Variants in RSU1 observed in about 807,000 individuals in gnomAD.
RSU1 encodes the protein Ras suppressor protein 1.
RSU1 carries 26 observed loss-of-function variants against 31.1 expected under a neutral mutation model. The ratio of observed to expected loss-of-function variants is 0.84; its 90% CI spans 0.61 to 1.16. The LOEUF is 1.16. RSU1 is among the 50% of genes most tolerant of loss of function. The pLI is 0.00. For missense variants in RSU1, 320 were observed against 339.1 expected (o/e 0.94, Z 0.44); for synonymous variants, 164 against 136.3 (o/e 1.20, Z -1.41).
intron 8 of RSU1, among the ~76,000 whole-genome samples, chr10:16,600,689 G>A (rs1833702916): frequency 1.3e-5 from 2 of 151,788 alleles, no homozygotes; most frequent in South Asian, 2.1e-4. Flanking sequence ...AGCCTCCCAA[G>A]TAGCTGGGGC....
intron 7 of RSU1, among the ~76,000 whole-genome samples, chr10:16,750,861 CTCT>C (rs1248960480): frequency 1.4e-5 from 2 of 144,254 alleles, no homozygotes; most frequent in East Asian, 2.0e-4. Flanking sequence ...TACAAGATCT[CTCT>C]TTTTTTTTTT....
intron 3 of RSU1, among the ~76,000 whole-genome samples, chr10:16,772,315 C>T (rs1012917934): frequency 1.3e-5 from 2 of 152,122 alleles, no homozygotes; most frequent in African/African-American, 2.4e-5. Context: ...GATTTCTTCT[C>T]CTCTGAGGAT....
At chr10:16,735,956 A>T (rs1280750373) in intron 7 of RSU1, among the ~76,000 whole-genome samples, 1 of 152,168 alleles carries the variant, frequency 6.6e-6, no homozygotes, top group Non-Finnish European at 1.5e-5. Context: ...AAAATGAGTA[A>T]GGAAAACTCC....
At chr10:16,658,799 T>C (rs1044340685) in intron 8 of RSU1, among the ~76,000 whole-genome samples, 1 of 152,170 alleles carries the variant, frequency 6.6e-6, no homozygotes, top group Non-Finnish European at 1.5e-5. Flanking sequence ...ATCAGCTTCT[T>C]CTTATGTTTG....
chr10:16,621,690 C>T (rs944870046), intron 8 of RSU1, among the ~76,000 whole-genome samples: 2 of 152,148 alleles, frequency 1.3e-5, no homozygotes, highest in East Asian at 3.9e-4. Context: ...TGGGGAACCC[C>T]TCTTTATAAA....
intron 8 of RSU1, among the ~76,000 whole-genome samples, chr10:16,647,321 G>T (rs1217935755): frequency 1.3e-5 from 2 of 152,142 alleles, no homozygotes; most frequent in African/African-American, 4.8e-5. Flanking sequence ...GTGGTTGCAG[G>T]TGCTTTGGAA....
At chr10:16,794,371 A>AT (rs1440514264) in intron 2 of RSU1, among the ~76,000 whole-genome samples, 15 of 152,104 alleles carry the variant, frequency 9.9e-5, no homozygotes, top group Non-Finnish European at 2.1e-4. Context: ...GTGCCTGAAA[A>AT]TTTTTTTAGG....
chr10:16,667,023 CAAAACA>C (rs1835004170), intron 8 of RSU1, among the ~76,000 whole-genome samples: 2 of 143,576 alleles, frequency 1.4e-5, no homozygotes, highest in Non-Finnish European at 3.1e-5. Context: ...CAAAACAAAG[CAAAACA>C]AACAACAACA....
chr10:16,698,290 G>A (rs1276560213), intron 7 of RSU1, among the ~76,000 whole-genome samples: 1 of 151,946 alleles, frequency 6.6e-6, no homozygotes, highest in East Asian at 1.9e-4. Context: ...TCGATCATCC[G>A]AAACTGAAGG....
At chr10:16,631,398 C>T (rs1004682328) in intron 8 of RSU1, among the ~76,000 whole-genome samples, 7 of 152,152 alleles carry the variant, frequency 4.6e-5, no homozygotes, top group Admixed American at 2.0e-4. Context: ...GCTTGTCCAG[C>T]GGTGGCCACC....
intron 7 of RSU1, among the ~76,000 whole-genome samples, chr10:16,707,533 A>G (rs1395679952): frequency 1.4e-5 from 2 of 146,676 alleles, no homozygotes; most frequent in African/African-American, 2.5e-5. Context: ...CTTTGGACAC[A>G]TGTCTATTAA....
At chr10:16,768,316 G>C (rs1294039101) in intron 3 of RSU1, among the ~76,000 whole-genome samples, 1 of 152,162 alleles carries the variant, frequency 6.6e-6, no homozygotes, top group Non-Finnish European at 1.5e-5. Context: ...AAAAGGAGAT[G>C]GATTATGAAA....
intron 3 of RSU1, among the ~76,000 whole-genome samples, chr10:16,774,939 C>T (rs1461244643): frequency 6.6e-6 from 1 of 151,778 alleles, no homozygotes; most frequent in Non-Finnish European, 1.5e-5. Context: ...CGTGGTGGTG[C>T]ACATCTATCT....
chr10:16,631,333 A>G (rs780659665), intron 8 of RSU1, among the ~76,000 whole-genome samples: 106 of 152,190 alleles, frequency 7.0e-4, no homozygotes, highest in Non-Finnish European at 1.0e-3. Flanking sequence ...CCCAGGGCGC[A>G]CTGGCACTGG....
chr10:16,748,727 C>T (rs60918764), intron 7 of RSU1, among the ~76,000 whole-genome samples: 3,111 of 152,118 alleles, frequency 0.02, 107 homozygotes, highest in African/African-American at 0.072. Flanking sequence ...ACAAGCCCAC[C>T]CAGGACCTTT....
intron 2 of RSU1, among the ~76,000 whole-genome samples, chr10:16,797,091 G>C (rs543633317): frequency 6.6e-6 from 1 of 152,202 alleles, no homozygotes; most frequent in Non-Finnish European, 1.5e-5. Flanking sequence ...GCCTGCAGTA[G>C]GGTCTGATGG....
At chr10:16,714,839 C>T (rs566970254) in intron 7 of RSU1, among the ~76,000 whole-genome samples, 21 of 152,214 alleles carry the variant, frequency 1.4e-4, no homozygotes, top group African/African-American at 3.6e-4. Flanking sequence ...GCTTAGGTTG[C>T]GGGTCCTCAA....
At chr10:16,756,007 C>T (rs1292671257) in intron 4 of RSU1, among the ~76,000 whole-genome samples, 1 of 152,198 alleles carries the variant, frequency 6.6e-6, no homozygotes, top group African/African-American at 2.4e-5. Flanking sequence ...AGAACAACTT[C>T]CCTATGAACG....
intron 8 of RSU1, among the ~76,000 whole-genome samples, chr10:16,675,526 T>A (rs1416690718): frequency 6.6e-6 from 1 of 152,188 alleles, no homozygotes; most frequent in Non-Finnish European, 1.5e-5. Context: ...CTTACACACT[T>A]GGCAGCCAAT....
Sources: allele counts gnomAD v4.1 joint callset (sites outside exome capture counted in the v4.1 genomes callset), GRCh38; gene constraint gnomAD v4.1.1; transcripts MANE v1.5; gene names NCBI Gene and HGNC (gene_info 2026-07-23, HGNC 2026-07-21).